CNTNAP5: variants seen among roughly 807,000 people sequenced by gnomAD.
CNTNAP5 encodes the protein contactin associated protein family member 5, also known as contactin-associated protein-like 5.
In CNTNAP5, 72 loss-of-function variants were observed where a neutral mutation model predicts 150.2. The ratio of observed to expected loss-of-function variants is 0.48; its 90% CI spans 0.40 to 0.58. The LOEUF (loss-of-function observed/expected upper bound fraction) is 0.58, where lower values mean the gene tolerates loss of function less well. Among genes scored for constraint, CNTNAP5 ranks in the 20% least tolerant of loss-of-function variants. The pLI is 0.00. For synonymous variants in CNTNAP5, 672 were observed against 619.8 expected (o/e 1.08, Z -1.25); for missense variants, 1,636 against 1,626.2 (o/e 1.01, Z -0.10).
intron 3 of CNTNAP5, among the ~76,000 whole-genome samples, chr2:124,396,369 G>C (rs1423487504): frequency 6.6e-6 from 1 of 152,150 alleles, no homozygotes; most frequent in African/African-American, 2.4e-5. Flanking sequence ...GACCTCCCTG[G>C]TATTGGTGCA....
intron 8 of CNTNAP5, among the ~76,000 whole-genome samples, chr2:124,522,442 C>A (rs920672791): frequency 2.6e-5 from 4 of 152,198 alleles, no homozygotes; most frequent in African/African-American, 9.6e-5. Context: ...CTTCCAGCTG[C>A]TATCATTGGC....
chr2:124,622,334 T>A (rs1677634766), intron 12 of CNTNAP5, among the ~76,000 whole-genome samples: 1 of 152,206 alleles, frequency 6.6e-6, no homozygotes, highest in Admixed American at 6.5e-5. Flanking sequence ...TATTCCATGG[T>A]GCATATGAAC....
Position 124,867,163 on chromosome 2 carries a change from G to A in CNTNAP5, c.3348+1727G>A, listed in dbSNP as rs543689031. 1.0e-3 allele frequency among the ~76,000 whole-genome samples: 157 copies of A among 151,960 alleles called. 1 individual carries two copies. The highest frequency in any genetic ancestry group is 1.9e-3 in the Non-Finnish European group (131 of 68,000). On this transcript the variant is annotated intron_variant, in intron 20 of 23. Transcript: ENST00000682447. ...CAGCTCTACTGAATGGCTCCCCAAA[G>A]CCTAAAACAAATAATTATTACATGC...
At chr2:124,856,867 G>T (rs1677386688) in intron 19 of CNTNAP5, among the ~76,000 whole-genome samples, 1 of 152,100 alleles carries the variant, frequency 6.6e-6, no homozygotes, top group Non-Finnish European at 1.5e-5. Context: ...TCAACTTAAA[G>T]CCTGGCCAAA....
intron 13 of CNTNAP5, among the ~76,000 whole-genome samples, chr2:124,688,369 T>C (rs1176921154): frequency 6.6e-6 from 1 of 152,094 alleles, no homozygotes; most frequent in Non-Finnish European, 1.5e-5. Context: ...CTATGAGATA[T>C]TATTTGCTGG....
intron 1 of CNTNAP5, among the ~76,000 whole-genome samples, chr2:124,215,834 A>G (rs571705821): frequency 6.6e-6 from 1 of 152,236 alleles, no homozygotes; most frequent in East Asian, 1.9e-4. Flanking sequence ...CGCAGAAAAA[A>G]GATCATCCAT....
At chr2:124,069,862 G>A (rs1240654162) in intron 1 of CNTNAP5, among the ~76,000 whole-genome samples, 1 of 152,038 alleles carries the variant, frequency 6.6e-6, no homozygotes, top group African/African-American at 2.4e-5. Context: ...AAACTAACTG[G>A]GAATAGTAAG....
intron 3 of CNTNAP5, among the ~76,000 whole-genome samples, chr2:124,279,485 A>T (rs886570754): frequency 6.6e-6 from 1 of 151,892 alleles, no homozygotes; most frequent in Non-Finnish European, 1.5e-5. Flanking sequence ...CACTATATGT[A>T]CCAGACTCTG....
chr2:124,431,602 T>TATATATAATTTCTTTATATAAAC (rs1304863634), intron 4 of CNTNAP5, among the ~76,000 whole-genome samples: 5 of 146,172 alleles, frequency 3.4e-5, no homozygotes, highest in Non-Finnish European at 7.6e-5. Context: ...ATATAAACAT[T>TATATATAATTTCTTTATATAAAC]ATATATAATT....
At chr2:124,451,613 C>T (rs1692983748) in intron 6 of CNTNAP5, among the ~76,000 whole-genome samples, 1 of 151,972 alleles carries the variant, frequency 6.6e-6, no homozygotes, top group Non-Finnish European at 1.5e-5. Flanking sequence ...GGCTCCAGAA[C>T]GACTGCAGTA....
chr2:124,434,942 AG>A (rs1692490569), intron 5 of CNTNAP5, among the ~76,000 whole-genome samples: 1 of 152,224 alleles, frequency 6.6e-6, no homozygotes, highest in African/African-American at 2.4e-5. Context: ...TAGTTTTCTT[AG>A]TAACTCAAAC....
At chr2:124,398,876 T>A (rs812412) in intron 3 of CNTNAP5, among the ~76,000 whole-genome samples, 108,155 of 151,984 alleles carry the variant, frequency 0.71, 39,511 homozygotes, top group East Asian at 0.9. Flanking sequence ...ATTGCAGTGA[T>A]CCAGGAAGGA....
At chr2:124,473,905 C>G (rs532118124) in intron 6 of CNTNAP5, among the ~76,000 whole-genome samples, 4 of 151,988 alleles carry the variant, frequency 2.6e-5, no homozygotes. Context: ...AAGAAAACCG[C>G]TAGTATCTCA....
At chr2:124,285,239 C>G (rs1340877363) in intron 3 of CNTNAP5, among the ~76,000 whole-genome samples, 1 of 152,108 alleles carries the variant, frequency 6.6e-6, no homozygotes, top group East Asian at 1.9e-4. Flanking sequence ...TGCATGAGTT[C>G]CCTGGAGAAT....
rs527811866 is a variant in CNTNAP5 at position 124,357,025 on chromosome 2, T to A, written c.382-60418T>A. ...TAACTGGTGTGAGATGGTATCTCAT[T>A]GTGGTTTTGCTTTGCATTTCTCTGA... On this transcript the variant is annotated intron_variant, in intron 3 of 23. Coordinates refer to ENST00000682447, the MANE Select transcript of CNTNAP5 (RefSeq NM_001367498.1). 1.1e-3 allele frequency among the ~76,000 whole-genome samples: 172 copies of A among 152,344 alleles called. 1 individual carries two copies. Among genetic ancestry groups the A allele is most frequent in the Admixed American group, 7.4e-3 (114 of 15,308 alleles).
chr2:124,258,968 A>G (rs549180715), intron 3 of CNTNAP5, among the ~76,000 whole-genome samples: 1 of 151,176 alleles, frequency 6.6e-6, no homozygotes, highest in South Asian at 2.1e-4. Context: ...TAACTCCTCA[A>G]TTAACATTAG....
chr2:124,735,714 C>T (rs142425719), intron 13 of CNTNAP5, among the ~76,000 whole-genome samples: 2 of 152,260 alleles, frequency 1.3e-5, no homozygotes, highest in Non-Finnish European at 2.9e-5. Context: ...GCCATAAGAT[C>T]TAAATTCAAG....
chr2:124,353,917 T>C (rs1325650016), intron 3 of CNTNAP5, among the ~76,000 whole-genome samples: 1 of 152,190 alleles, frequency 6.6e-6, no homozygotes, highest in Non-Finnish European at 1.5e-5. Flanking sequence ...ATTTGATAAA[T>C]GTGCTGTAGC....
intron 18 of CNTNAP5, among the ~76,000 whole-genome samples, chr2:124,790,942 T>C (rs1200767031): frequency 6.6e-6 from 1 of 152,226 alleles, no homozygotes; most frequent in African/African-American, 2.4e-5. Context: ...GGTGTACTCA[T>C]AATTTTTGCA....
Sources: gnomAD v4.1 joint callset for allele counts (sites outside exome capture counted in the v4.1 genomes callset) on GRCh38, gnomAD v4.1.1 for gene constraint, MANE v1.5 for transcripts, NCBI Gene and HGNC (gene_info 2026-07-23, HGNC 2026-07-21) for gene names.